Variants in SPTLC3 observed in about 807,000 individuals in gnomAD.
SPTLC3 encodes serine palmitoyltransferase long chain base subunit 3, also known as serine palmitoyltransferase 3.
In SPTLC3, 36 loss-of-function variants were observed where a neutral mutation model predicts 59.3. The observed-to-expected ratio is 0.61, with a 90% CI of 0.47 to 0.80. SPTLC3 has a LOEUF of 0.80. SPTLC3 is among the 30% of genes least tolerant of loss of function. SPTLC3 has a pLI of 0.00. For missense variants in SPTLC3, 625 were observed against 685.1 expected (o/e 0.91, Z 0.98); for synonymous variants, 257 against 240.8 (o/e 1.07, Z -0.62).
intron 7 of SPTLC3, among the ~76,000 whole-genome samples, chr20:13,116,404 CTG>C (rs1990552012): frequency 6.6e-6 from 1 of 152,304 alleles, no homozygotes; most frequent in South Asian, 2.1e-4. Context: ...GCAGTCAAAA[CTG>C]TGTGCAACAT....
intron 2 of SPTLC3, among the ~76,000 whole-genome samples, chr20:13,064,844 G>A (rs1181364387): frequency 2.6e-5 from 4 of 151,922 alleles, no homozygotes; most frequent in Admixed American, 6.6e-5. Flanking sequence ...ATTTCTTTAC[G>A]TATTTCTTAT....
At chr20:13,015,528 C>T (rs893093592) in intron 1 of SPTLC3, among the ~76,000 whole-genome samples, 10 of 152,126 alleles carry the variant, frequency 6.6e-5, no homozygotes, top group African/African-American at 1.9e-4. Context: ...GCATACAACA[C>T]ATGTAGAGGA....
chr20:13,143,834 C>G (rs1279944139), intron 9 of SPTLC3, among the ~76,000 whole-genome samples: 1 of 152,184 alleles, frequency 6.6e-6, no homozygotes, highest in African/African-American at 2.4e-5. Flanking sequence ...TTTGCCAATT[C>G]CTTTGTCTTC....
At chr20:13,118,076 C>G (rs1466346703) in intron 8 of SPTLC3, among the ~76,000 whole-genome samples, 1 of 151,842 alleles carries the variant, frequency 6.6e-6, no homozygotes, top group Non-Finnish European at 1.5e-5. Flanking sequence ...AATGGGGGGC[C>G]ATATTTAACA....
At chr20:13,092,522 A>G (rs1311932415) in intron 5 of SPTLC3, among the ~76,000 whole-genome samples, 1 of 152,236 alleles carries the variant, frequency 6.6e-6, no homozygotes, top group African/African-American at 2.4e-5. Context: ...TGAACTGTCT[A>G]TCAAATGATA....
intron 1 of SPTLC3, among the ~76,000 whole-genome samples, chr20:13,025,239 CAT>C (rs897001587): frequency 2.6e-5 from 4 of 152,170 alleles, no homozygotes; most frequent in Admixed American, 1.3e-4. Flanking sequence ...TCAAATTTCA[CAT>C]ATAATGAACC....
intron 2 of SPTLC3, among the ~76,000 whole-genome samples, chr20:13,059,049 C>A (rs1415321439): frequency 6.6e-6 from 1 of 152,234 alleles, no homozygotes; most frequent in African/African-American, 2.4e-5. Flanking sequence ...CCATGGACAT[C>A]TGGGCACCAG....
At chr20:13,010,116 T>A (rs1985159879) in intron 1 of SPTLC3, among the ~76,000 whole-genome samples, 2 of 152,010 alleles carry the variant, frequency 1.3e-5, no homozygotes, top group South Asian at 4.2e-4. Context: ...AGGAAAGTTG[T>A]CAGCTTGTTT....
At chr20:13,148,561 CA>C (rs2038569997) in intron 9 of SPTLC3, among the ~76,000 whole-genome samples, 1 of 152,182 alleles carries the variant, frequency 6.6e-6, no homozygotes, top group Non-Finnish European at 1.5e-5. Context: ...TCATGCCAAA[CA>C]AGAGGCTACC....
At chr20:13,109,669 C>T (rs1990111685) in intron 6 of SPTLC3, among the ~76,000 whole-genome samples, 2 of 152,168 alleles carry the variant, frequency 1.3e-5, no homozygotes, top group Non-Finnish European at 1.5e-5. Flanking sequence ...GAAATCAAGG[C>T]TCAAAGTGTA....
In SPTLC3 at chr20:13,121,604, C is replaced by T. The variant is rs540819689; in HGVS notation, c.1152+3879C>T. ...CCTCTAACCCACCCTGAAGAAGACA[C>T]GACCCAGACTCGCCTTGCAAAAGAC... On this transcript the variant is annotated intron_variant, in intron 8 of 11. Coordinates refer to ENST00000399002, the MANE Select transcript of SPTLC3 (RefSeq NM_018327.4). Among the ~76,000 whole-genome samples the T allele has an allele frequency of 2.7e-3, 413 of 152,262 alleles. 2 individuals are homozygous for T. The highest frequency in any genetic ancestry group is 4.6e-3 in the Non-Finnish European group (310 of 68,032).
At chr20:13,092,304 T>C (rs1162289497) in intron 5 of SPTLC3, among the ~76,000 whole-genome samples, 2 of 152,362 alleles carry the variant, frequency 1.3e-5, no homozygotes, top group South Asian at 2.1e-4. Flanking sequence ...GTGTTTGAAA[T>C]TGTTCCTCAG....
intron 2 of SPTLC3, 81 bp downstream of exon 2, chr20:13,049,211 G>A (rs1221938224): frequency 1.7e-5 from 25 of 1,509,184 alleles, no homozygotes; most frequent in Non-Finnish European, 2.1e-5. Flanking sequence ...TGCAGGTGCA[G>A]ATCCTAGAAA....
At chr20:13,032,384 G>C (rs116285374) in intron 1 of SPTLC3, among the ~76,000 whole-genome samples, 89 of 152,246 alleles carry the variant, frequency 5.8e-4, no homozygotes, top group African/African-American at 2.0e-3. Flanking sequence ...TCTGATAGGG[G>C]AACATCCCAA....
intron 1 of SPTLC3, among the ~76,000 whole-genome samples, chr20:13,048,604 T>C (rs1987332820): frequency 6.6e-6 from 1 of 152,222 alleles, no homozygotes; most frequent in African/African-American, 2.4e-5. Flanking sequence ...ATTTGTGATA[T>C]AATTTGATCA....
At chr20:13,015,984 G>A (rs992142762) in intron 1 of SPTLC3, among the ~76,000 whole-genome samples, 6 of 151,628 alleles carry the variant, frequency 4.0e-5, no homozygotes, top group African/African-American at 7.3e-5. Context: ...GAATAACACC[G>A]TGAAATAACC....
chr20:13,132,350 T>A (rs1348008094), intron 9 of SPTLC3, among the ~76,000 whole-genome samples: 1 of 151,856 alleles, frequency 6.6e-6, no homozygotes, highest in Non-Finnish European at 1.5e-5. Flanking sequence ...CTAATTTTTG[T>A]ATTTTTAGTA....
chr20:13,016,109 G>C (rs1985517286), intron 1 of SPTLC3, among the ~76,000 whole-genome samples: 1 of 151,158 alleles, frequency 6.6e-6, no homozygotes, highest in Non-Finnish European at 1.5e-5. Context: ...ACACCAGAAA[G>C]AAAAGAATGG....
intron 1 of SPTLC3, among the ~76,000 whole-genome samples, chr20:13,031,256 T>C (rs113348893): frequency 5.9e-5 from 9 of 152,184 alleles, no homozygotes; most frequent in African/African-American, 2.2e-4. Flanking sequence ...ATGAGAATAT[T>C]GAGCACTTGA....
Sources: gnomAD v4.1 joint callset for allele counts (sites outside exome capture counted in the v4.1 genomes callset) on GRCh38, gnomAD v4.1.1 for gene constraint, MANE v1.5 for transcripts, NCBI Gene and HGNC (gene_info 2026-07-23, HGNC 2026-07-21) for gene names.